Variants in PLPP1 observed in about 807,000 individuals in gnomAD.
PLPP1 encodes lipid phosphate phosphohydrolase 1a.
In PLPP1, 24 loss-of-function variants were observed where a neutral mutation model predicts 31.2. The observed-to-expected ratio is 0.77, with a 90% CI of 0.56 to 1.08. The LOEUF (loss-of-function observed/expected upper bound fraction) is 1.08, where lower values mean the gene tolerates loss of function less well. Among genes scored for constraint, PLPP1 ranks in the 50% least tolerant of loss-of-function variants. The pLI, the probability that PLPP1 is intolerant of heterozygous loss-of-function variation, is 0.00. For missense variants in PLPP1, 319 were observed against 342.7 expected, an observed-to-expected ratio of 0.93 and a Z score of 0.55; for synonymous variants, 146 against 126.3, an observed-to-expected ratio of 1.16 and a Z score of -1.05.
At chr5:55,527,427 A>T (rs1232903132) in intron 1 of PLPP1, among the ~76,000 whole-genome samples, 2 of 152,170 alleles carry the variant, frequency 1.3e-5, no homozygotes, top group Admixed American at 1.3e-4. Context: ...CCACATTTGG[A>T]GCATGCTGAG....
chr5:55,511,650 GTTTTTTT>G (rs1158182340), intron 1 of PLPP1, among the ~76,000 whole-genome samples: 4 of 51,448 alleles, frequency 7.8e-5, no homozygotes, highest in African/African-American at 1.8e-4. Context: ...CACGTGTTGA[GTTTTTTT>G]TTTTTTTTTT....
chr5:55,497,412 A>ATT lies in PLPP1; in HGVS notation c.59-21964_59-21963dup, dbSNP rs199571704. ...AGGCCTGTGCTACCATTCCTGGCTA[A>ATT]TTTTTTCTTTTTTTTTTTTTGGTAG... On this transcript the variant is annotated intron_variant, in intron 1 of 5. Coordinates refer to ENST00000307259, the MANE Select transcript of PLPP1 (RefSeq NM_003711.4). Among the ~76,000 whole-genome samples the ATT allele has an allele frequency of 3.0e-4, 42 of 140,300 alleles. 3 individuals carry two copies. Among genetic ancestry groups the ATT allele is most frequent in the African/African-American group, 5.5e-4 (21 of 37,934 alleles). The allele number at this position is 140,300 out of a possible 152,430, so 92.0% of individuals were successfully genotyped here.
Position 55,534,928 on chromosome 5 carries a change from C to A in PLPP1, c.-299G>T, listed in dbSNP as rs552849735. 7.4e-6 allele frequency: 3 copies of A among 405,886 alleles called. No homozygotes were observed. In the South Asian group the frequency reaches 1.2e-4, roughly 16 times the overall value. The allele number at this position is 405,886 out of a possible 1,614,324, so 25.1% of individuals were successfully genotyped here. A position where few individuals can be genotyped will look rare whatever the true frequency, so the allele number is the denominator to read the frequency against. On this transcript the variant is annotated 5_prime_UTR_variant, in exon 1 of 6. Coordinates refer to ENST00000307259, the MANE Select transcript of PLPP1 (RefSeq NM_003711.4). ...ACCTCCTCAGCCGGCACGGCCTGCC[C>A]CGGTTGCTCCCCGTCCGGATCCCGG...
chr5:55,472,916 C>T (rs1752453719), intron 2 of PLPP1, among the ~76,000 whole-genome samples: 1 of 152,216 alleles, frequency 6.6e-6, no homozygotes. Flanking sequence ...CAGTGTCCTG[C>T]TCTACTGCAG....
chr5:55,425,995 T>G lies in PLPP1; in HGVS notation c.594A>C (p.Leu198Phe). 3 of 1,613,046 alleles carry G rather than the reference T, an allele frequency of 1.9e-6. No homozygotes were observed. The highest frequency in any genetic ancestry group is 2.5e-6 in the Non-Finnish European group (3 of 1,179,702). Residue 198 changes from leucine to phenylalanine, a missense_variant, in exon 5 of 6, where the codon TTA becomes TTC. Transcript: ENST00000307259. Reference sequence around the variant, plus strand: ...CAAGACCAAATTGCAGTGTGGGGCGTAAGAGTCTTGCCCAGTCTCCCTTCA... The same window carrying G: ...CAAGACCAAATTGCAGTGTGGGGCGGAAGAGTCTTGCCCAGTCTCCCTTCA... Reference protein sequence around the residue: ...ARMKGDWARLLRPTLQFGLVA... With the variant: ...ARMKGDWARLFRPTLQFGLVA...
intron 4 of PLPP1, among the ~76,000 whole-genome samples, chr5:55,441,514 A>C: frequency 6.6e-6 from 1 of 152,224 alleles, no homozygotes; most frequent in East Asian, 1.9e-4. Context: ...AGAAGGAAAG[A>C]AGCTCTGCTG....
intron 1 of PLPP1, among the ~76,000 whole-genome samples, chr5:55,486,868 G>A (rs1472923138): frequency 6.6e-6 from 1 of 151,276 alleles, no homozygotes; most frequent in East Asian, 1.9e-4. Flanking sequence ...AGCCAAAATC[G>A]CACCATTGCA....
At chr5:55,495,939 C>T (rs1752995162) in intron 1 of PLPP1, among the ~76,000 whole-genome samples, 1 of 152,084 alleles carries the variant, frequency 6.6e-6, no homozygotes, top group Non-Finnish European at 1.5e-5. Context: ...CTCACTGCAA[C>T]CTCTGCCTCC....
intron 4 of PLPP1, among the ~76,000 whole-genome samples, chr5:55,429,067 T>A (rs935227501): frequency 1.3e-5 from 2 of 152,150 alleles, no homozygotes; most frequent in African/African-American, 4.8e-5. Flanking sequence ...CCCAGAGACC[T>A]GCTGGGCTGT....
At chr5:55,452,755 G>C (rs1231953087) in intron 3 of PLPP1, among the ~76,000 whole-genome samples, 1 of 152,136 alleles carries the variant, frequency 6.6e-6, no homozygotes, top group East Asian at 1.9e-4. Flanking sequence ...AGCCCAACCT[G>C]TTATGTTAAA....
At chr5:55,480,757 C>T (rs1752652296) in intron 1 of PLPP1, among the ~76,000 whole-genome samples, 2 of 152,100 alleles carry the variant, frequency 1.3e-5, no homozygotes, top group South Asian at 4.1e-4. Context: ...CATTCATATA[C>T]AAGTATTTTT....
At chr5:55,524,264 T>TA (rs374164078) in intron 1 of PLPP1, among the ~76,000 whole-genome samples, 12 of 151,576 alleles carry the variant, frequency 7.9e-5, no homozygotes, top group East Asian at 1.9e-4. Flanking sequence ...CCAATGAGCT[T>TA]AAAAAAAAAT....
chr5:55,458,887 C>CAAAAA (rs529067608), intron 3 of PLPP1, among the ~76,000 whole-genome samples: 888 of 21,044 alleles, frequency 0.042, 223 homozygotes, highest in Non-Finnish European at 0.085. Flanking sequence ...ACCCTGTCTC[C>CAAAAA]AAAAAAAAAA....
intron 3 of PLPP1, among the ~76,000 whole-genome samples, chr5:55,455,653 CT>C (rs1343700043): frequency 6.6e-6 from 1 of 152,170 alleles, no homozygotes; most frequent in Non-Finnish European, 1.5e-5. Flanking sequence ...GACTAGCTAG[CT>C]GTGTATGCCC....
chr5:55,512,501 GA>G (rs1409891195), intron 1 of PLPP1, among the ~76,000 whole-genome samples: 3,029 of 13,330 alleles, frequency 0.23, 188 homozygotes, highest in Admixed American at 0.35. Context: ...AGAAAGAAAA[GA>G]AAAGAAAAGA....
chr5:55,436,618 G>T (rs754488498), intron 4 of PLPP1, among the ~76,000 whole-genome samples: 1 of 152,162 alleles, frequency 6.6e-6, no homozygotes, highest in African/African-American at 2.4e-5. Flanking sequence ...CGCTTGTGAA[G>T]AGCCTCATGA....
chr5:55,437,269 T>C (rs1025369450), intron 4 of PLPP1, among the ~76,000 whole-genome samples: 2 of 152,224 alleles, frequency 1.3e-5, no homozygotes, highest in Admixed American at 6.5e-5. Flanking sequence ...CGAGATATTT[T>C]TTGAAGCTGT....
intron 1 of PLPP1, chr5:55,530,326 G>A: frequency 1.4e-6 from 2 of 1,438,328 alleles, no homozygotes; most frequent in South Asian, 2.3e-5. Flanking sequence ...ACACAAATAG[G>A]ACATGTCACA....
chr5:55,459,967 C>G (rs1292866845), intron 3 of PLPP1, among the ~76,000 whole-genome samples: 1 of 152,156 alleles, frequency 6.6e-6, no homozygotes, highest in Non-Finnish European at 1.5e-5. Context: ...ATGGTTTTCT[C>G]ATTTTCTTTT....
Sources: gnomAD v4.1 joint callset for allele counts (sites outside exome capture counted in the v4.1 genomes callset) on GRCh38, gnomAD v4.1.1 for gene constraint, MANE v1.5 for transcripts, NCBI Gene and HGNC (gene_info 2026-07-23, HGNC 2026-07-21) for gene names.